CABIN1: variants seen among roughly 807,000 people sequenced by gnomAD.
CABIN1 encodes calcineurin binding protein 1.
In CABIN1, 133 loss-of-function variants were observed where a neutral mutation model predicts 227.7. The observed-to-expected ratio is 0.58, with a 90% CI of 0.51 to 0.67. The LOEUF is 0.67. Ranked by LOEUF, CABIN1 falls within the 30% of genes least tolerant of loss-of-function variation. The pLI is 0.00. For missense variants in CABIN1, 2,408 were observed against 2,852.5 expected (o/e 0.84, Z 3.55); for synonymous variants, 1,086 against 1,155.1 (o/e 0.94, Z 1.21).
intron 15 of CABIN1, 53 bp downstream of exon 15, chr22:24,064,240 T>C: frequency 6.3e-7 from 1 of 1,597,298 alleles, no homozygotes; most frequent in Non-Finnish European, 8.6e-7. Context: ...AGTTTCACTT[T>C]TGTCGCCTAG....
At chr22:24,064,294 C>T in intron 15 of CABIN1, 107 bp downstream of exon 15, 11 of 1,217,574 alleles carry the variant, frequency 9.0e-6, no homozygotes, top group Non-Finnish European at 1.1e-5. Flanking sequence ...CAACCTACAC[C>T]TCTGGGGTTC....
intron 29 of CABIN1, among the ~76,000 whole-genome samples, chr22:24,157,564 C>A (rs566481243): frequency 6.6e-6 from 1 of 152,310 alleles, no homozygotes; most frequent in African/African-American, 2.4e-5. Context: ...TAAGTGAAAT[C>A]ATGTGTTAAA....
In CABIN1 at chr22:24,165,520, A is replaced by G; in HGVS notation, c.4911-10A>G. ...TCCTGTCCTCTCTGACTACCCCTGT[A>G]TGACCGCAGGAAGTATCTGCGAGAT... On this transcript the variant is annotated splice_polypyrimidine_tract_variant and intron_variant, in intron 30 of 36. Transcript: ENST00000263119. 6.2e-7 allele frequency: 1 copy of G among 1,610,786 alleles called. No individual in the cohort carries two copies. Among genetic ancestry groups the G allele is most frequent in the Non-Finnish European group, 8.5e-7 (1 of 1,178,868 alleles).
chr22:24,101,466 C>T (rs2042195909), intron 26 of CABIN1, among the ~76,000 whole-genome samples: 1 of 152,150 alleles, frequency 6.6e-6, no homozygotes, highest in Admixed American at 6.5e-5. Context: ...GGAATCAGCC[C>T]CTCAGGTCAC....
intron 8 of CABIN1, among the ~76,000 whole-genome samples, chr22:24,051,653 A>T (rs2038345363): frequency 6.6e-6 from 1 of 151,778 alleles, no homozygotes; most frequent in Non-Finnish European, 1.5e-5. Context: ...CTGTCTGCCT[A>T]CTCTGAGGGA....
rs923167184 is a variant in CABIN1, at chr22:24,015,572, C to A, written c.-75+4205C>A. On this transcript the variant is annotated intron_variant, in intron 1 of 36. Coordinates refer to ENST00000263119, the MANE Select transcript of CABIN1 (RefSeq NM_012295.4). ...TGTTAGCCAGGATGGTCTCGATCTT[C>A]TGACCTTGTGATCCGCCCGCCTCAG... Among the ~76,000 whole-genome samples, 5 of 151,680 alleles carry A rather than the reference C, an allele frequency of 3.3e-5. No homozygotes were observed. In the South Asian group the frequency reaches 8.3e-4, roughly 25 times the overall value.
intron 28 of CABIN1, among the ~76,000 whole-genome samples, chr22:24,122,479 G>A (rs1273696016): frequency 6.6e-6 from 1 of 151,996 alleles, no homozygotes; most frequent in Non-Finnish European, 1.5e-5. Context: ...AGGCTGAGGC[G>A]GGTGAATCAC....
intron 26 of CABIN1, among the ~76,000 whole-genome samples, chr22:24,108,927 G>A (rs1337984583): frequency 2.6e-5 from 4 of 152,192 alleles, no homozygotes; most frequent in Non-Finnish European, 4.4e-5. Flanking sequence ...GATAAAACAT[G>A]CTCAGGTTCT....
chr22:24,145,093 A>G (rs935178146), intron 29 of CABIN1, among the ~76,000 whole-genome samples: 3 of 152,250 alleles, frequency 2.0e-5, no homozygotes, highest in Non-Finnish European at 4.4e-5. Context: ...TGCCACATGC[A>G]CATCAGGGAG....
chr22:24,105,049 T>A (rs911372965), intron 26 of CABIN1, among the ~76,000 whole-genome samples: 1 of 152,220 alleles, frequency 6.6e-6, no homozygotes, highest in Admixed American at 6.5e-5. Flanking sequence ...AAAGAGCTCT[T>A]TTAGGCTGGC....
intron 1 of CABIN1, among the ~76,000 whole-genome samples, chr22:24,027,908 G>A (rs1191858929): frequency 6.6e-6 from 1 of 151,536 alleles, no homozygotes; most frequent in Non-Finnish European, 1.5e-5. Flanking sequence ...TACAGATTGA[G>A]GAGGTCTCTT....
intron 3 of CABIN1, among the ~76,000 whole-genome samples, chr22:24,036,766 G>A (rs1288728930): frequency 6.6e-6 from 1 of 152,066 alleles, no homozygotes; most frequent in African/African-American, 2.4e-5. Context: ...ATAAACATAT[G>A]CCTTCCCTTC....
At chr22:24,019,121 T>C (rs1250107841) in intron 1 of CABIN1, among the ~76,000 whole-genome samples, 1 of 15,028 alleles carries the variant, frequency 6.7e-5, no homozygotes, top group Non-Finnish European at 1.3e-4. Flanking sequence ...CTGAGTGTTG[T>C]TTTTTTTTTT....
chr22:24,147,437 T>TTTTC (rs556031612), intron 29 of CABIN1, among the ~76,000 whole-genome samples: 41 of 149,550 alleles, frequency 2.7e-4, no homozygotes, highest in African/African-American at 8.3e-4. Context: ...CTTTCTTTTC[T>TTTTC]TTTCTTTCTT....
At chr22:24,029,610 A>G (rs1432523392) in intron 1 of CABIN1, among the ~76,000 whole-genome samples, 3 of 152,276 alleles carry the variant, frequency 2.0e-5, no homozygotes, top group Non-Finnish European at 2.9e-5. Context: ...TACATGTTCA[A>G]AGCCCCCACA....
rs548876125 is a variant in CABIN1 at position 24,143,550 on chromosome 22, T to C, written c.4746+9135T>C. Among the ~76,000 whole-genome samples the C allele has an allele frequency of 9.8e-5, 15 of 152,298 alleles. No individual in the cohort carries two copies. The East Asian group carries it at 2.5e-3, about 25-fold the overall frequency. ...TGTCCTGGGCTGGGGCTCTTGAGGC[T>C]GAGAGCAGTGACAATGGAGGATGCT... On this transcript the variant is annotated intron_variant, in intron 29 of 36. Transcript: ENST00000263119.
chr22:24,014,331 A>G (rs779747375), intron 1 of CABIN1, among the ~76,000 whole-genome samples: 7 of 152,088 alleles, frequency 4.6e-5, no homozygotes, highest in Non-Finnish European at 8.8e-5. Context: ...ATTCATTATC[A>G]TCATTATTTT....
Position 24,164,416 on chromosome 22 carries a change from C to T in CABIN1, c.4763C>T (p.Pro1588Leu). Residue 1588 changes from proline to leucine, a missense_variant, in exon 30 of 37, where the codon CCC (proline) becomes CTC (leucine). Transcript: ENST00000263119. Reference protein sequence around the residue: ...TNFFNGIWRIPVDEIDRPGSF... With the variant: ...TNFFNGIWRILVDEIDRPGSF... ...ATCCCACAGGGCATCTGGCGGATCC[C>T]CGTGGACGAGATTGACCGGCCGGGC... is the stretch of plus-strand genomic sequence containing the variant. 7.5e-6 allele frequency: 12 copies of T among 1,604,096 alleles called. No individual in the cohort carries two copies. Among genetic ancestry groups the T allele is most frequent in the Non-Finnish European group, 1.0e-5 (12 of 1,179,958 alleles).
chr22:24,084,746 GGA>G lies in CABIN1; in HGVS notation c.3079_3080del (p.Asp1027GlnfsTer7). 3 of 1,614,202 alleles carry G rather than the reference GGA, an allele frequency of 1.9e-6. No homozygotes were observed. Among genetic ancestry groups the G allele is most frequent in the Non-Finnish European group, 2.5e-6 (3 of 1,180,038 alleles). On this transcript the variant is annotated frameshift_variant, in exon 21 of 37. Coordinates refer to ENST00000263119, the MANE Select transcript of CABIN1 (RefSeq NM_012295.4). LOFTEE classifies it high-confidence loss of function. ...GCACAGAGAGGCCAGCCCTTAGCCTGGACAAAGTCTCTGCCTACATTGAGGGA... is the reference window on the plus strand; with the variant it reads ...GCACAGAGAGGCCAGCCCTTAGCCTGCAAAGTCTCTGCCTACATTGAGGGA... ...PRTERPALSL[D>X]KVSAYIEGTS...
Sources: gnomAD v4.1 joint callset for allele counts (sites outside exome capture counted in the v4.1 genomes callset) on GRCh38, gnomAD v4.1.1 for gene constraint, MANE v1.5 for transcripts, NCBI Gene and HGNC (gene_info 2026-07-23, HGNC 2026-07-21) for gene names.